ANO3: variants seen among roughly 807,000 people sequenced by gnomAD.
ANO3 encodes the protein anoctamin-3.
ANO3 carries 99 observed loss-of-function variants against 144.8 expected under a neutral mutation model. That is an observed-to-expected ratio of 0.68 (90% CI 0.58 to 0.81). ANO3 has a LOEUF of 0.81. Among genes scored for constraint, ANO3 ranks in the 30% least tolerant of loss-of-function variants. The pLI is 0.00. For missense variants in ANO3, 905 were observed against 1,202.2 expected (o/e 0.75, Z 3.66); for synonymous variants, 414 against 392.6 (o/e 1.05, Z -0.64).
chr11:26,480,645 TA>T (rs1860174706), intron 4 of ANO3, among the ~76,000 whole-genome samples: 1 of 151,832 alleles, frequency 6.6e-6, no homozygotes, highest in African/African-American at 2.4e-5. Flanking sequence ...TTGTCTCTAC[TA>T]AAAATATAAA....
chr11:26,382,668 C>T (rs914021724), intron 1 of ANO3, among the ~76,000 whole-genome samples: 5 of 152,196 alleles, frequency 3.3e-5, no homozygotes, highest in South Asian at 2.1e-4. Flanking sequence ...TCTGTCTGTT[C>T]GCAAGCTTAC....
rs1376441077 is a variant in ANO3, at chr11:26,441,118, T to TG, written c.47-800_47-799insG. Among the ~76,000 whole-genome samples the TG allele has an allele frequency of 1.2e-4, 15 of 120,818 alleles. No individual in the cohort carries two copies. In the South Asian group the frequency reaches 4.1e-3, roughly 33 times the overall value. 79.3% of individuals were successfully genotyped at this position (120,818 alleles called of 152,430 possible). A position where few individuals can be genotyped will look rare whatever the true frequency, so the allele number is the denominator to read the frequency against. On this transcript the variant is annotated intron_variant, in intron 1 of 26. Coordinates refer to ENST00000256737, the MANE Select transcript of ANO3 (RefSeq NM_031418.4). ...TGCTTGCTGCCCAGTTTTTTTTTTT[T>TG]TTTTTTTTTTTTTTTTTGAGACGGA...
rs190598377 is a variant in ANO3 at position 26,199,518 on chromosome 11, A to G, written c.154+10188A>G. On this transcript the variant is annotated intron_variant, in intron 1 of 27. Coordinates refer to the ANO3 transcript ENST00000672621. ...CATGCAGGGATGGGACACAGGAATA[A>G]ATTTATACTTGTATAACCACTGAGA... 2.4e-4 allele frequency among the ~76,000 whole-genome samples: 37 copies of G among 152,270 alleles called. 1 individual carries two copies. Among genetic ancestry groups the G allele is most frequent in the African/African-American group, 8.7e-4 (36 of 41,554 alleles).
At chr11:26,586,676 TG>T (rs1851295172) in intron 14 of ANO3, among the ~76,000 whole-genome samples, 1 of 138,550 alleles carries the variant, frequency 7.2e-6, no homozygotes. Context: ...CTAACTTTTT[TG>T]TATTTTTAGT....
At chr11:26,520,001 A>G (rs1474844231) in intron 6 of ANO3, among the ~76,000 whole-genome samples, 1 of 152,198 alleles carries the variant, frequency 6.6e-6, no homozygotes, top group African/African-American at 2.4e-5. Context: ...AAGTCAGAGC[A>G]CGTTTGGCCT....
intron 1 of ANO3, among the ~76,000 whole-genome samples, chr11:26,219,193 G>T (rs1285364018): frequency 6.6e-6 from 1 of 152,116 alleles, no homozygotes; most frequent in Non-Finnish European, 1.5e-5. Flanking sequence ...ATCTTGTAGT[G>T]GACAAAATTG....
chr11:26,420,319 A>G (rs1396682345), intron 1 of ANO3, among the ~76,000 whole-genome samples: 2 of 152,044 alleles, frequency 1.3e-5, no homozygotes, highest in African/African-American at 4.8e-5. Flanking sequence ...TACTCCCAAA[A>G]GTTATGCTGA....
intron 1 of ANO3, among the ~76,000 whole-genome samples, chr11:26,275,046 A>G (rs1853527727): frequency 6.6e-6 from 1 of 152,044 alleles, no homozygotes; most frequent in African/African-American, 2.4e-5. Context: ...CTTTAACTCT[A>G]TCAATATGGT....
intron 4 of ANO3, among the ~76,000 whole-genome samples, chr11:26,501,713 C>A (rs1268114437): frequency 2.0e-5 from 3 of 152,262 alleles, no homozygotes; most frequent in Admixed American, 2.0e-4. Context: ...AGAACTATGA[C>A]CTCTTCTGAA....
At chr11:26,231,014 G>T (rs142781984) in intron 1 of ANO3, among the ~76,000 whole-genome samples, 2 of 151,210 alleles carry the variant, frequency 1.3e-5, no homozygotes, top group Non-Finnish European at 2.9e-5. Context: ...GAGTAGCTGG[G>T]ATTGCAGGTG....
intron 22 of ANO3, 125 bp from the exon 23 acceptor site, chr11:26,643,057 G>T: frequency 1.2e-6 from 1 of 825,312 alleles, no homozygotes; most frequent in Non-Finnish European, 1.9e-6. Context: ...TGTCCTAACT[G>T]TAAAATGAGA....
intron 17 of ANO3, among the ~76,000 whole-genome samples, chr11:26,601,390 T>C (rs1851795645): frequency 1.3e-5 from 2 of 152,226 alleles, no homozygotes; most frequent in South Asian, 4.1e-4. Context: ...CTCATTATTA[T>C]GAGGACAATA....
At chr11:26,629,596 G>T (rs1423104361) in intron 18 of ANO3, among the ~76,000 whole-genome samples, 4 of 152,070 alleles carry the variant, frequency 2.6e-5, no homozygotes, top group African/African-American at 9.7e-5. Flanking sequence ...CTATCAAGAT[G>T]CATTATTCCT....
chr11:26,293,313 A>C (rs1472131295), intron 1 of ANO3, among the ~76,000 whole-genome samples: 2 of 151,824 alleles, frequency 1.3e-5, no homozygotes, highest in Non-Finnish European at 2.9e-5. Flanking sequence ...AAAATATATA[A>C]ATAGAAAAAC....
At chr11:26,221,515 T>C (rs574709177) in intron 1 of ANO3, among the ~76,000 whole-genome samples, 3 of 152,336 alleles carry the variant, frequency 2.0e-5, no homozygotes, top group African/African-American at 7.2e-5. Flanking sequence ...AAAGAGCAGA[T>C]TGATGGAATC....
At chr11:26,227,725 G>A (rs552194323) in intron 1 of ANO3, among the ~76,000 whole-genome samples, 3 of 152,188 alleles carry the variant, frequency 2.0e-5, no homozygotes, top group Non-Finnish European at 4.4e-5. Context: ...CTTCAATCAC[G>A]TCGAATGCTT....
chr11:26,409,144 C>T (rs1009698407), intron 1 of ANO3, among the ~76,000 whole-genome samples: 8 of 149,126 alleles, frequency 5.4e-5, no homozygotes, highest in Admixed American at 3.4e-4. Context: ...AAAAAAAGAA[C>T]CAGCTTAGAT....
chr11:26,268,466 A>C (rs1456201303), intron 1 of ANO3, among the ~76,000 whole-genome samples: 3 of 152,178 alleles, frequency 2.0e-5, no homozygotes, highest in Non-Finnish European at 4.4e-5. Flanking sequence ...TGGCATAAAA[A>C]GTTTTTGTTA....
intron 6 of ANO3, among the ~76,000 whole-genome samples, chr11:26,521,181 A>G (rs566554395): frequency 1.1e-3 from 169 of 152,320 alleles, no homozygotes; most frequent in African/African-American, 4.0e-3. Flanking sequence ...CTAGTCTCCA[A>G]TTGACAATTG....
Sources: gnomAD v4.1 joint callset for allele counts (sites outside exome capture counted in the v4.1 genomes callset) on GRCh38, gnomAD v4.1.1 for gene constraint, MANE v1.5 for transcripts, NCBI Gene and HGNC (gene_info 2026-07-23, HGNC 2026-07-21) for gene names.